NCALD: variants seen among roughly 807,000 people sequenced by gnomAD.
The protein encoded by NCALD is neurocalcin-delta.
A neutral mutation model predicts 18.6 loss-of-function variants in NCALD; 10 were observed. That is an observed-to-expected ratio of 0.54 (90% CI 0.33 to 0.91). The LOEUF (loss-of-function observed/expected upper bound fraction) is 0.91. Ranked by LOEUF, NCALD falls within the 40% of genes least tolerant of loss-of-function variation. The probability of loss-of-function intolerance (pLI) is 0.03; values close to 1 mark genes in which losing one functional copy is unlikely to be tolerated. For missense variants in NCALD, 184 were observed against 247.6 expected (o/e 0.74, Z 1.72); for synonymous variants, 88 against 87.4 (o/e 1.01, Z -0.04).
intron 1 of NCALD, among the ~76,000 whole-genome samples, chr8:102,108,464 G>T (rs1293255628): frequency 2.0e-5 from 3 of 152,182 alleles, no homozygotes. Context: ...TGTTTTAAAT[G>T]CCTCACAGTA....
chr8:101,952,170 C>T (rs901924873), intron 2 of NCALD, among the ~76,000 whole-genome samples: 5 of 152,162 alleles, frequency 3.3e-5, no homozygotes, highest in African/African-American at 4.8e-5. Flanking sequence ...AGCTGCCCTC[C>T]TTGTCCTCTG....
intron 2 of NCALD, among the ~76,000 whole-genome samples, chr8:102,001,824 G>T (rs1376796330): frequency 6.6e-6 from 1 of 152,156 alleles, no homozygotes; most frequent in African/African-American, 2.4e-5. Flanking sequence ...ACAAGCAAAT[G>T]CTGAGAGATT....
At chr8:102,022,789 G>C (rs936052402) in intron 1 of NCALD, among the ~76,000 whole-genome samples, 2 of 152,192 alleles carry the variant, frequency 1.3e-5, no homozygotes, top group African/African-American at 4.8e-5. Context: ...GGTATGGAGA[G>C]AAAGGTAGAA....
intron 1 of NCALD, among the ~76,000 whole-genome samples, chr8:101,765,742 C>T (rs752924388): frequency 1.3e-5 from 2 of 152,110 alleles, no homozygotes; most frequent in South Asian, 2.1e-4. Context: ...GAAACTCCCT[C>T]GTTAAGCACC....
At chr8:102,099,950 CA>C (rs1243912484) in intron 1 of NCALD, among the ~76,000 whole-genome samples, 1 of 137,742 alleles carries the variant, frequency 7.3e-6, no homozygotes, top group Non-Finnish European at 1.5e-5. Flanking sequence ...CCAGCCTGGA[CA>C]ACAGAGTAAG....
upstream of NCALD, among the ~76,000 whole-genome samples, chr8:101,795,860 G>A (rs942229457): frequency 6.6e-6 from 1 of 152,182 alleles, no homozygotes; most frequent in Non-Finnish European, 1.5e-5. Context: ...GAAAAAAATG[G>A]AATCACAGAG....
rs6990400 is a variant in NCALD at position 101,689,822 on chromosome 8, G to A, written c.485-416C>T. Among the ~76,000 whole-genome samples the A allele has an allele frequency of 0.25, 38,722 of 152,100 alleles. 5,295 individuals carry two copies. Among genetic ancestry groups the A allele is most frequent in the South Asian group, 0.39 (1,880 of 4,822 alleles). On this transcript the variant is annotated intron_variant, in intron 3 of 3. Coordinates refer to ENST00000220931, the MANE Select transcript of NCALD (RefSeq NM_032041.3). The surrounding 1 kb of genome is among the most constrained non-coding windows in gnomAD (Gnocchi z 4.4). ...AATGAGCTGGGCCCTGGCAGCACCC[G>A]GTTGGTTCCCATAATGTTCCCTGGA...
intron 3 of NCALD, among the ~76,000 whole-genome samples, chr8:101,887,954 C>T (rs1372189718): frequency 6.6e-6 from 1 of 152,144 alleles, no homozygotes; most frequent in Non-Finnish European, 1.5e-5. Context: ...AGGCTGCTCC[C>T]CTCCTGGCGC....
intron 2 of NCALD, among the ~76,000 whole-genome samples, chr8:101,926,433 T>C (rs2131677335): frequency 6.6e-6 from 1 of 152,348 alleles, no homozygotes; most frequent in Non-Finnish European, 1.5e-5. Flanking sequence ...TTGGAAGGAC[T>C]CAGGAATAAA....
At chr8:101,739,577 C>T (rs566887034) in intron 1 of NCALD, among the ~76,000 whole-genome samples, 3 of 152,188 alleles carry the variant, frequency 2.0e-5, no homozygotes, top group Non-Finnish European at 4.4e-5. Context: ...ATAAAGCAGG[C>T]AGAAGTTGGA....
chr8:102,080,353 G>T (rs1313242165), intron 1 of NCALD, among the ~76,000 whole-genome samples: 1 of 152,198 alleles, frequency 6.6e-6, no homozygotes, highest in Non-Finnish European at 1.5e-5. Context: ...CTGGCCTGCA[G>T]AATTACCCAA....
At chr8:102,035,606 G>C (rs1822835187) in intron 1 of NCALD, among the ~76,000 whole-genome samples, 1 of 152,034 alleles carries the variant, frequency 6.6e-6, no homozygotes, top group Non-Finnish European at 1.5e-5. Context: ...GAAGCCCTCT[G>C]CTTGACTAGG....
chr8:101,943,607 C>T (rs1336106505), intron 2 of NCALD, among the ~76,000 whole-genome samples: 1 of 152,176 alleles, frequency 6.6e-6, no homozygotes, highest in Non-Finnish European at 1.5e-5. Flanking sequence ...GTTAAGAAGA[C>T]GCACCAGTGC....
intron 4 of NCALD, among the ~76,000 whole-genome samples, chr8:101,863,140 C>A (rs1815614636): frequency 6.6e-6 from 1 of 152,214 alleles, no homozygotes; most frequent in South Asian, 2.1e-4. Flanking sequence ...AACTCCCACC[C>A]AGCTCCCAAA....
chr8:101,729,591 C>T (rs1188686159), intron 1 of NCALD, among the ~76,000 whole-genome samples: 2 of 152,062 alleles, frequency 1.3e-5, no homozygotes, highest in African/African-American at 4.8e-5. Flanking sequence ...CCTGCAGAGA[C>T]GTGACTGGGT....
chr8:101,709,106 G>A (rs918074337), intron 2 of NCALD, among the ~76,000 whole-genome samples: 8 of 152,196 alleles, frequency 5.3e-5, no homozygotes, highest in African/African-American at 1.4e-4. Context: ...GTGTGGGAGC[G>A]GGCCTGCGCA....
At chr8:101,757,869 C>G (rs1044007025) in intron 1 of NCALD, among the ~76,000 whole-genome samples, 1 of 152,098 alleles carries the variant, frequency 6.6e-6, no homozygotes, top group South Asian at 2.1e-4. Flanking sequence ...CCTAACCCAA[C>G]CATCAGAGAG....
chr8:102,009,756 C>T (rs1057055362), intron 2 of NCALD, among the ~76,000 whole-genome samples: 14 of 152,200 alleles, frequency 9.2e-5, no homozygotes, highest in African/African-American at 2.2e-4. Flanking sequence ...CTGGAGAAAT[C>T]GATGAGCTTC....
intron 2 of NCALD, among the ~76,000 whole-genome samples, chr8:102,013,016 C>G (rs1176847597): frequency 6.6e-6 from 1 of 152,140 alleles, no homozygotes; most frequent in East Asian, 1.9e-4. Flanking sequence ...TATATACCCT[C>G]ACACACATAC....
Sources: gnomAD v4.1 joint callset for allele counts (sites outside exome capture counted in the v4.1 genomes callset) on GRCh38, gnomAD v4.1.1 for gene constraint, Gnocchi (gnomAD v3.1) non-coding constraint, MANE v1.5 for transcripts, NCBI Gene and HGNC (gene_info 2026-07-23, HGNC 2026-07-21) for gene names.